The following NAALADL2 variants were observed in gnomAD, a reference collection of about 807,000 sequenced individuals.
The protein encoded by NAALADL2 is N-acetylated alpha-linked acidic dipeptidase like 2, also known as inactive N-acetylated-alpha-linked acidic dipeptidase-like protein 2.
NAALADL2 carries 76 observed loss-of-function variants against 87.2 expected under a neutral mutation model. The observed-to-expected ratio is 0.87, with a 90% CI of 0.72 to 1.05. NAALADL2 has a LOEUF of 1.05. NAALADL2 is among the 50% of genes least tolerant of loss of function. The pLI is 0.00. For synonymous variants in NAALADL2, 354 were observed against 331.0 expected (o/e 1.07, Z -0.75); for missense variants, 1,089 against 945.8 (o/e 1.15, Z -1.99).
chr3:175,002,216 C>T (rs1279059694), intron 1 of NAALADL2, among the ~76,000 whole-genome samples: 1 of 152,124 alleles, frequency 6.6e-6, no homozygotes, highest in African/African-American at 2.4e-5. Flanking sequence ...CAAAGACTTG[C>T]AGATACCCCT....
chr3:175,330,179 C>T (rs1761231313), intron 5 of NAALADL2, among the ~76,000 whole-genome samples: 1 of 152,088 alleles, frequency 6.6e-6, no homozygotes, highest in Admixed American at 6.6e-5. Context: ...AAAAGATTTA[C>T]TAATGTTTCT....
rs374393851 is a variant in NAALADL2, at chr3:175,258,181, G to A, written c.939+1651G>A. The stretch of plus-strand genomic sequence containing the variant: ...AAATTAGCCAGGCGTGGTGGCGGGC[G>A]CCTGTAGTCCCAGCTACTTGGGAGG... On this transcript the variant is annotated intron_variant, in intron 4 of 13. Coordinates refer to ENST00000454872, the MANE Select transcript of NAALADL2 (RefSeq NM_207015.3). 1.8e-4 allele frequency among the ~76,000 whole-genome samples: 28 copies of A among 151,868 alleles called. No individual in the cohort carries two copies. In the East Asian group the frequency reaches 5.1e-3, roughly 27 times the overall value.
At chr3:174,482,349 T>A (rs898413984) in intron 1 of NAALADL2, among the ~76,000 whole-genome samples, 2 of 151,974 alleles carry the variant, frequency 1.3e-5, no homozygotes, top group African/African-American at 4.8e-5. Flanking sequence ...TGAATTCTGC[T>A]CTCGCCAAGA....
intron 1 of NAALADL2, among the ~76,000 whole-genome samples, chr3:174,897,842 G>A (rs555818331): frequency 7.2e-6 from 1 of 138,108 alleles, no homozygotes; most frequent in South Asian, 2.1e-4. Flanking sequence ...GGCCGGGCGC[G>A]GTGGCTCACG....
chr3:175,485,895 T>G (rs1343357117), intron 9 of NAALADL2, among the ~76,000 whole-genome samples: 6 of 152,206 alleles, frequency 3.9e-5, no homozygotes, highest in African/African-American at 1.4e-4. Flanking sequence ...AGGAAAGAAC[T>G]TGCTTTTCCT....
intron 9 of NAALADL2, among the ~76,000 whole-genome samples, chr3:175,559,227 T>C (rs1263097047): frequency 6.6e-6 from 1 of 152,168 alleles, no homozygotes; most frequent in African/African-American, 2.4e-5. Context: ...TTTCAAATTG[T>C]TTGCTGTTGG....
intron 9 of NAALADL2, among the ~76,000 whole-genome samples, chr3:175,548,152 A>C (rs1713693466): frequency 6.6e-6 from 1 of 152,130 alleles, no homozygotes; most frequent in African/African-American, 2.4e-5. Flanking sequence ...TAATCAACCT[A>C]AATGCTCAAC....
At chr3:174,566,913 G>T (rs931821624) in intron 2 of NAALADL2, among the ~76,000 whole-genome samples, 19 of 151,518 alleles carry the variant, frequency 1.3e-4, no homozygotes, top group African/African-American at 3.4e-4. Flanking sequence ...ATGTTTTATT[G>T]ATGATAGATT....
intron 1 of NAALADL2, among the ~76,000 whole-genome samples, chr3:175,081,891 A>G (rs1717909715): frequency 1.3e-5 from 2 of 152,178 alleles, no homozygotes; most frequent in South Asian, 4.1e-4. Context: ...TTATTGCTTA[A>G]TAATCTTAAA....
intron 2 of NAALADL2, among the ~76,000 whole-genome samples, chr3:174,712,118 T>C (rs941132720): frequency 6.6e-6 from 1 of 152,086 alleles, no homozygotes. Context: ...CAGATCTGAT[T>C]GACTTCTTTC....
intron 2 of NAALADL2, chr3:175,112,623 A>G (rs1724391746): frequency 6.6e-6 from 1 of 151,802 alleles, no homozygotes; most frequent in South Asian, 2.1e-4. Flanking sequence ...CAGATGTTAC[A>G]TAGAGATGGC....
chr3:174,962,414 T>TATATATATATGTCATAGTGACTATGAC (rs1560417310), intron 1 of NAALADL2, among the ~76,000 whole-genome samples: 8 of 47,550 alleles, frequency 1.7e-4, no homozygotes, highest in African/African-American at 5.0e-4. Context: ...GACTATGACA[T>TATATATATATGTCATAGTGACTATGAC]ATATATATAT....
intron 2 of NAALADL2, among the ~76,000 whole-genome samples, chr3:174,606,547 A>G (rs1022706400): frequency 5.9e-5 from 9 of 152,354 alleles, no homozygotes; most frequent in Admixed American, 2.0e-4. Context: ...AGTCGATGTG[A>G]TCAACTGGAA....
At chr3:174,779,863 T>G (rs1715721376) in intron 3 of NAALADL2, among the ~76,000 whole-genome samples, 1 of 152,184 alleles carries the variant, frequency 6.6e-6, no homozygotes, top group Non-Finnish European at 1.5e-5. Context: ...CCATGCTGTT[T>G]TGGTTACTGT....
At chr3:174,599,100 GAGCCATAC>G (rs1338599616) in intron 2 of NAALADL2, among the ~76,000 whole-genome samples, 1 of 152,212 alleles carries the variant, frequency 6.6e-6, no homozygotes, top group Admixed American at 6.5e-5. Flanking sequence ...TAAACAGCCA[GAGCCATAC>G]ACTCCATTAA....
chr3:174,776,657 A>C (rs1267822506), intron 3 of NAALADL2, among the ~76,000 whole-genome samples: 1 of 152,182 alleles, frequency 6.6e-6, no homozygotes, highest in Non-Finnish European at 1.5e-5. Context: ...ATGATCAGTT[A>C]TATTGCTCAG....
Position 174,683,116 on chromosome 3 carries a change from A to G in NAALADL2, c.-114-54525A>G, listed in dbSNP as rs553952533. Among the ~76,000 whole-genome samples, 10 of 152,336 alleles carry G rather than the reference A, an allele frequency of 6.6e-5. No individual in the cohort carries two copies. In the East Asian group the frequency reaches 1.7e-3, roughly 26 times the overall value. Reference sequence around the variant, plus strand: ...AGAAATTTTCCAGTTGAGAAATGCAATTGACATACTGAAGAATGCATGCAG... The same window carrying G: ...AGAAATTTTCCAGTTGAGAAATGCAGTTGACATACTGAAGAATGCATGCAG... On this transcript the variant is annotated intron_variant, in intron 2 of 3. Coordinates refer to the NAALADL2 transcript ENST00000434257.
chr3:175,340,677 A>T (rs1762477813), intron 5 of NAALADL2, among the ~76,000 whole-genome samples: 1 of 152,196 alleles, frequency 6.6e-6, no homozygotes, highest in Non-Finnish European at 1.5e-5. Context: ...GATGCTCATC[A>T]TCAATTATTT....
At chr3:175,075,225 A>T (rs1056467142) in intron 1 of NAALADL2, among the ~76,000 whole-genome samples, 2 of 152,166 alleles carry the variant, frequency 1.3e-5, no homozygotes, top group Admixed American at 1.3e-4. Flanking sequence ...AACCTAAGAC[A>T]CAATTGTAAC....
Sources: allele counts gnomAD v4.1 joint callset (sites outside exome capture counted in the v4.1 genomes callset), GRCh38; gene constraint gnomAD v4.1.1; transcripts MANE v1.5; gene names NCBI Gene and HGNC (gene_info 2026-07-23, HGNC 2026-07-21).